ZSCAN25: variants seen among roughly 807,000 people sequenced by gnomAD.
ZSCAN25 encodes the protein zinc finger and SCAN domain-containing protein 25.
ZSCAN25 carries 27 observed loss-of-function variants against 38.7 expected under a neutral mutation model. The ratio of observed to expected loss-of-function variants is 0.70; its 90% confidence interval spans 0.51 to 0.96. The LOEUF (loss-of-function observed/expected upper bound fraction) is 0.96. Ranked by LOEUF, ZSCAN25 falls within the 40% of genes least tolerant of loss-of-function variation. The pLI, the probability that ZSCAN25 is intolerant of heterozygous loss-of-function variation, is 0.00. For missense variants in ZSCAN25, 637 were observed against 705.9 expected, an observed-to-expected ratio of 0.90 and a Z score of 1.11; for synonymous variants, 273 against 277.7, an observed-to-expected ratio of 0.98 and a Z score of 0.17.
chr7:99,709,367 T>C, the ZSCAN25 span: 8 of 1,492,676 alleles, frequency 5.4e-6, no homozygotes, highest in Non-Finnish European at 7.3e-6. Context: ...GAACAACTCA[T>C]ACTGGCAAAG....
chr7:99,714,400 C>T, the ZSCAN25 span, among the ~76,000 whole-genome samples: 1 of 152,156 alleles, frequency 6.6e-6, no homozygotes, highest in African/African-American at 2.4e-5. Context: ...CCACTTTCTG[C>T]ATTCCTACCA....
chr7:99,645,200 A>G, the ZSCAN25 span, among the ~76,000 whole-genome samples: 6 of 152,340 alleles, frequency 3.9e-5, no homozygotes, highest in African/African-American at 1.4e-4. Context: ...CATGTTGGCC[A>G]GGATAGTCTC....
the ZSCAN25 span, among the ~76,000 whole-genome samples, chr7:99,695,300 G>A: frequency 6.6e-6 from 1 of 152,168 alleles, no homozygotes; most frequent in South Asian, 2.1e-4. Flanking sequence ...AAGCTGTCCA[G>A]GAGGTAGGGG....
chr7:99,646,732 A>G, the ZSCAN25 span, among the ~76,000 whole-genome samples: 1 of 151,902 alleles, frequency 6.6e-6, no homozygotes, highest in Admixed American at 6.6e-5. Flanking sequence ...CACTAAGTAT[A>G]CTCATTGCTA....
intron 7 of ZSCAN25, among the ~76,000 whole-genome samples, chr7:99,625,791 G>A (rs771966546): frequency 6.6e-6 from 1 of 152,144 alleles, no homozygotes; most frequent in Non-Finnish European, 1.5e-5. Context: ...GACTGGTTCT[G>A]TCCTTGTCCC....
the ZSCAN25 span, among the ~76,000 whole-genome samples, chr7:99,736,881 C>A: frequency 9.2e-5 from 14 of 152,206 alleles, no homozygotes; most frequent in African/African-American, 3.4e-4. Flanking sequence ...GTGCCGGGAG[C>A]CACATGTTCC....
chr7:99,682,838 CTTAAG>C, the ZSCAN25 span, among the ~76,000 whole-genome samples: 9 of 152,064 alleles, frequency 5.9e-5, no homozygotes, highest in Admixed American at 2.6e-4. Flanking sequence ...ACATCTTTCT[CTTAAG>C]TTAATTCCCA....
At chr7:99,709,065 C>T in the ZSCAN25 span, 1 of 1,613,928 alleles carries the variant, frequency 6.2e-7, no homozygotes. Flanking sequence ...AGGCTCTGTC[C>T]AGTACTTTGG....
chr7:99,652,560 G>A, the ZSCAN25 span: 63 of 1,606,482 alleles, frequency 3.9e-5, no homozygotes, highest in Middle Eastern at 3.3e-4. Flanking sequence ...TACCTTTCAG[G>A]GCGGAACTCC....
the ZSCAN25 span, among the ~76,000 whole-genome samples, chr7:99,717,882 T>G: frequency 2.6e-5 from 4 of 152,168 alleles, no homozygotes; most frequent in Non-Finnish European, 4.4e-5. Flanking sequence ...ACGGAACCTG[T>G]TCTTCCACTG....
the ZSCAN25 span, chr7:99,705,364 G>T: frequency 9.9e-7 from 1 of 1,008,338 alleles, no homozygotes; most frequent in Non-Finnish European, 1.5e-6. Flanking sequence ...TGCACGTACA[G>T]AATCCCTGAT....
At chr7:99,691,230 T>G in the ZSCAN25 span, among the ~76,000 whole-genome samples, 3 of 149,100 alleles carry the variant, frequency 2.0e-5, no homozygotes, top group Non-Finnish European at 4.4e-5. Context: ...ACTCAAAGGT[T>G]GGAATTGAAC....
At chr7:99,619,519 C>A in intron 3 of ZSCAN25, 42 bp from the exon 4 acceptor site, 1 of 1,430,880 alleles carries the variant, frequency 7.0e-7, no homozygotes, top group Non-Finnish European at 9.4e-7. Context: ...AGAGACAGAA[C>A]TGGGATGGGC....
At chr7:99,652,766 T>C in the ZSCAN25 span, 3 of 1,612,966 alleles carry the variant, frequency 1.9e-6, no homozygotes, top group East Asian at 4.5e-5. Flanking sequence ...CACGGCATCA[T>C]AGGTAGGTGG....
Position 99,632,053 on chromosome 7 carries a change from T to A in ZSCAN25, c.*2033T>A. 3.0e-6 allele frequency: 3 copies of A among 985,426 alleles called. No homozygotes were observed. The highest frequency in any genetic ancestry group is 3.6e-6 in the Non-Finnish European group (3 of 829,956). The allele number at this position is 985,426 out of a possible 1,614,324, so 61.0% of individuals were successfully genotyped here. ...GGGGGGCTGCTTGTCATTACCTGAA[T>A]CACAGATGCTCTTTTGTCATACACA... On this transcript the variant is annotated 3_prime_UTR_variant, in exon 8 of 8. Coordinates refer to ENST00000394152, the MANE Select transcript of ZSCAN25 (RefSeq NM_145115.3).
chr7:99,715,624 GTACATATCTTCAAATGTAC>G, the ZSCAN25 span: 4 of 1,464,836 alleles, frequency 2.7e-6, no homozygotes, highest in African/African-American at 5.6e-5. Context: ...GGTGATGGTC[GTACATATCTTCAAATGTAC>G]TACAAACCAT....
the ZSCAN25 span, among the ~76,000 whole-genome samples, chr7:99,737,634 T>G: frequency 1.3e-5 from 2 of 152,352 alleles, no homozygotes; most frequent in South Asian, 4.1e-4. Flanking sequence ...AAAACTCTTA[T>G]GGAAACGATT....
chr7:99,715,561 G>T, the ZSCAN25 span: 1 of 941,938 alleles, frequency 1.1e-6, no homozygotes, highest in Non-Finnish European at 1.5e-6. Flanking sequence ...GGGGTTGATA[G>T]CTAAACATGT....
At chr7:99,706,627 T>C in the ZSCAN25 span, among the ~76,000 whole-genome samples, 1 of 152,250 alleles carries the variant, frequency 6.6e-6, no homozygotes, top group Non-Finnish European at 1.5e-5. Context: ...GTTCCAAATC[T>C]TTCTATAAAT....
Sources: allele counts gnomAD v4.1 joint callset (sites outside exome capture counted in the v4.1 genomes callset), GRCh38; gene constraint gnomAD v4.1.1; transcripts MANE v1.5; gene names NCBI Gene and HGNC (gene_info 2026-07-23, HGNC 2026-07-21).